The following NETO1 variants were observed in gnomAD, a reference collection of about 807,000 sequenced individuals.
NETO1 encodes the protein neuropilin and tolloid-like protein 1.
NETO1 carries 26 observed loss-of-function variants against 61.3 expected under a neutral mutation model. The observed-to-expected ratio is 0.42, with a 90% CI of 0.31 to 0.59. The LOEUF is 0.59. Ranked by LOEUF, NETO1 falls within the 20% of genes least tolerant of loss-of-function variation. The pLI, the probability that NETO1 is intolerant of heterozygous loss-of-function variation, is 0.12. For missense variants in NETO1, 531 were observed against 662.8 expected (o/e 0.80, Z 2.18); for synonymous variants, 225 against 225.8 (o/e 1.00, Z 0.03).
intron 7 of NETO1, among the ~76,000 whole-genome samples, chr18:72,758,081 A>G (rs999044143): frequency 6.6e-6 from 1 of 152,288 alleles, no homozygotes; most frequent in Non-Finnish European, 1.5e-5. Flanking sequence ...AAACATATAA[A>G]TAAAAATAAC....
intron 7 of NETO1, among the ~76,000 whole-genome samples, chr18:72,776,772 T>A (rs959682625): frequency 6.6e-5 from 10 of 152,142 alleles, no homozygotes. Context: ...ATATATATTT[T>A]GAGGTGACAT....
intron 3 of NETO1, among the ~76,000 whole-genome samples, chr18:72,861,944 C>G (rs2074584699): frequency 6.6e-6 from 1 of 152,128 alleles, no homozygotes; most frequent in Admixed American, 6.5e-5. Flanking sequence ...TTTTTCTTTG[C>G]TGTAACAACT....
At position 72,858,875 on chromosome 18, in the gene NETO1, A is replaced by G. The variant is rs1283515509; in HGVS notation, c.420T>C (p.Asp140=). 9 of 1,613,860 alleles carry G rather than the reference A, an allele frequency of 5.6e-6. No homozygotes were observed. The highest frequency in any genetic ancestry group is 1.3e-5 in the African/African-American group (1 of 75,028). ...AAAATCCCATAGATTCCAGCTCTCCATCAGCAAAAAATTTAATCCATAGAA... is the reference window on the plus strand; with the variant it reads ...AAAATCCCATAGATTCCAGCTCTCCGTCAGCAAAAAATTTAATCCATAGAA... The part of the protein sequence containing the change: ...GRFLWIKFFA[D]GELESMGFSA... The change falls in exon 4 of 11, where the codon GAT becomes GAC. Residue 140 remains aspartate, a synonymous_variant. Transcript: ENST00000327305.
intron 7 of NETO1, among the ~76,000 whole-genome samples, chr18:72,771,451 T>C (rs1487836194): frequency 1.3e-5 from 2 of 152,128 alleles, no homozygotes; most frequent in Non-Finnish European, 2.9e-5. Flanking sequence ...CACACTTGAG[T>C]TGAATCTGAG....
intron 4 of NETO1, among the ~76,000 whole-genome samples, chr18:72,816,223 G>A (rs1370044995): frequency 6.6e-6 from 1 of 151,956 alleles, no homozygotes; most frequent in African/African-American, 2.4e-5. Context: ...CAATTCAAAG[G>A]TAAAGCTGTA....
chr18:72,804,779 AT>A (rs2045384107), intron 4 of NETO1, among the ~76,000 whole-genome samples: 1 of 152,186 alleles, frequency 6.6e-6, no homozygotes, highest in South Asian at 2.1e-4. Context: ...ATACTGTGAT[AT>A]TTTCAACGCA....
At chr18:72,855,049 A>G (rs4892052) in intron 4 of NETO1, among the ~76,000 whole-genome samples, 94,531 of 152,130 alleles carry the variant, frequency 0.62, 31,576 homozygotes, top group Non-Finnish European at 0.74. Flanking sequence ...AGAAAACAAT[A>G]TAATTCTAAT....
intron 4 of NETO1, among the ~76,000 whole-genome samples, chr18:72,831,266 A>T (rs1484219): frequency 0.84 from 127,954 of 152,172 alleles, 54,013 homozygotes; most frequent in Admixed American, 0.89. Context: ...CACATCTTCT[A>T]ACAATGTAAA....
At chr18:72,824,951 T>G (rs2073328416) in intron 4 of NETO1, among the ~76,000 whole-genome samples, 1 of 152,080 alleles carries the variant, frequency 6.6e-6, no homozygotes, top group Non-Finnish European at 1.5e-5. Context: ...CTCTTGATTT[T>G]AGAGTAACAG....
intron 4 of NETO1, among the ~76,000 whole-genome samples, chr18:72,831,772 T>C (rs1264388440): frequency 6.6e-6 from 1 of 152,024 alleles, no homozygotes; most frequent in African/African-American, 2.4e-5. Flanking sequence ...TACGTTTCTG[T>C]GCAAAGCTTT....
At chr18:72,765,419 T>TA (rs2071119925) in intron 7 of NETO1, among the ~76,000 whole-genome samples, 4 of 151,284 alleles carry the variant, frequency 2.6e-5, no homozygotes, top group African/African-American at 9.8e-5. Context: ...CAATAAAAAT[T>TA]CTTTTTTTTT....
chr18:72,804,697 G>A (rs2072617797), intron 4 of NETO1, among the ~76,000 whole-genome samples: 1 of 152,100 alleles, frequency 6.6e-6, no homozygotes, highest in African/African-American at 2.4e-5. Flanking sequence ...AACAGGTCAT[G>A]AGCACACGTC....
chr18:72,788,811 A>T (rs983628119), intron 6 of NETO1, among the ~76,000 whole-genome samples: 14 of 152,144 alleles, frequency 9.2e-5, no homozygotes, highest in Non-Finnish European at 1.6e-4. Context: ...CTAGCTAACA[A>T]TTTACTAAGT....
chr18:72,781,307 A>G (rs2071731137), intron 7 of NETO1, among the ~76,000 whole-genome samples: 1 of 152,218 alleles, frequency 6.6e-6, no homozygotes, highest in East Asian at 1.9e-4. Context: ...GAATAAATAT[A>G]GAACCCTGAA....
At chr18:72,775,480 A>G (rs1424239106) in intron 7 of NETO1, among the ~76,000 whole-genome samples, 1 of 152,178 alleles carries the variant, frequency 6.6e-6, no homozygotes, top group Non-Finnish European at 1.5e-5. Flanking sequence ...ACCTCTCGTT[A>G]TAGTGTACTT....
intron 7 of NETO1, among the ~76,000 whole-genome samples, chr18:72,763,953 T>C (rs150805590): frequency 0.017 from 2,615 of 152,222 alleles, 26 homozygotes; most frequent in Non-Finnish European, 0.025. Context: ...ACTTCTTACA[T>C]GGTGGCAGGA....
At chr18:72,866,754 C>A in intron 1 of NETO1, 1 of 990,012 alleles carries the variant, frequency 1.0e-6, no homozygotes. Flanking sequence ...ACCCATAAAG[C>A]GACATCAGCG....
intron 4 of NETO1, among the ~76,000 whole-genome samples, chr18:72,797,194 C>T (rs1265550652): frequency 6.6e-6 from 1 of 151,994 alleles, no homozygotes; most frequent in African/African-American, 2.4e-5. Context: ...GTGCCTGTTT[C>T]TACAATTTTT....
intron 4 of NETO1, among the ~76,000 whole-genome samples, chr18:72,836,376 C>T (rs945545884): frequency 2.6e-5 from 4 of 152,166 alleles, no homozygotes; most frequent in Non-Finnish European, 4.4e-5. Flanking sequence ...TCTCCTTATA[C>T]ATTTTCTTCT....
Sources: gnomAD v4.1 joint callset for allele counts (sites outside exome capture counted in the v4.1 genomes callset) on GRCh38, gnomAD v4.1.1 for gene constraint, MANE v1.5 for transcripts, NCBI Gene and HGNC (gene_info 2026-07-23, HGNC 2026-07-21) for gene names.